Variants in MYO5B observed in about 807,000 individuals in gnomAD.
MYO5B encodes the protein unconventional myosin-Vb.
MYO5B carries 143 observed loss-of-function variants against 229.3 expected under a neutral mutation model. The ratio of observed to expected loss-of-function variants is 0.62; its 90% CI spans 0.54 to 0.72. MYO5B has a LOEUF of 0.72. Ranked by LOEUF, MYO5B falls within the 30% of genes least tolerant of loss-of-function variation. The pLI is 0.00. For synonymous variants in MYO5B, 918 were observed against 885.2 expected (o/e 1.04, Z -0.66); for missense variants, 2,321 against 2,331.0 (o/e 1.00, Z 0.09).
chr18:49,868,255 A>G (rs1406703197), intron 27 of MYO5B, among the ~76,000 whole-genome samples: 1 of 152,200 alleles, frequency 6.6e-6, no homozygotes, highest in Non-Finnish European at 1.5e-5. Context: ...TCTAAGATGA[A>G]CAGAATTACT....
intron 5 of MYO5B, among the ~76,000 whole-genome samples, chr18:49,997,123 T>C (rs1164602394): frequency 6.6e-6 from 1 of 151,778 alleles, no homozygotes; most frequent in African/African-American, 2.4e-5. Flanking sequence ...AAAAGGTAGC[T>C]GGTCATGGTG....
At position 49,937,266 on chromosome 18, in the gene MYO5B, G is replaced by C; in HGVS notation, c.1884C>G (p.His628Gln). ...RPPMKVSNKE[H>Q]KKTVGHQFRT... is the part of the protein sequence containing the mutation. ...TGACCTGGTGGCCAACGGTTTTCTTGTGCTCCTTGTTGGAGACTTTCATGG... is the reference window on the plus strand; with the variant it reads ...TGACCTGGTGGCCAACGGTTTTCTTCTGCTCCTTGTTGGAGACTTTCATGG... Residue 628 changes from histidine (H) to glutamine (Q), a missense_variant, in exon 15 of 40, where the codon CAC becomes CAG. By Grantham distance (24) the His-to-Gln change is conservative. This residue lies in a region of MYO5B where 2,113 missense variants were observed against 2,044.7 expected (regional missense o/e 1.03). Coordinates refer to ENST00000285039, the MANE Select transcript of MYO5B (RefSeq NM_001080467.3). 6.2e-7 allele frequency: 1 copy of C among 1,614,088 alleles called. No homozygotes were observed. The highest frequency in any genetic ancestry group is 1.3e-5 in the African/African-American group (1 of 75,024).
Position 49,835,324 on chromosome 18 carries a change from A to G in MYO5B, c.5394+20T>C. On this transcript the variant is annotated intron_variant, in intron 39 of 39. Transcript: ENST00000285039. Reference sequence around the variant, plus strand: ...ATAGTCGTAGACTGGACTTTATAAAATTACTATCTTAAAACTCACCTGGAT... The same window carrying G: ...ATAGTCGTAGACTGGACTTTATAAAGTTACTATCTTAAAACTCACCTGGAT... The G allele has an allele frequency of 5.1e-6, 8 of 1,576,460 alleles. No individual in the cohort carries two copies. Among genetic ancestry groups the G allele is most frequent in the Non-Finnish European group, 7.0e-6 (8 of 1,147,400 alleles).
intron 22 of MYO5B, among the ~76,000 whole-genome samples, chr18:49,891,828 C>T (rs2024718247): frequency 6.6e-6 from 1 of 152,246 alleles, no homozygotes; most frequent in Non-Finnish European, 1.5e-5. Flanking sequence ...CAACTAGTGG[C>T]TAGTGGTTCT....
intron 2 of MYO5B, among the ~76,000 whole-genome samples, chr18:50,052,232 G>T (rs998188679): frequency 1.3e-5 from 2 of 152,104 alleles, no homozygotes; most frequent in African/African-American, 4.8e-5. Context: ...TATAAATCAT[G>T]CTGCTATAAA....
chr18:50,049,129 A>G (rs1261307679), intron 2 of MYO5B, among the ~76,000 whole-genome samples: 1 of 152,174 alleles, frequency 6.6e-6, no homozygotes, highest in South Asian at 2.1e-4. Context: ...CTGTTTTAGA[A>G]AGACTTCTAC....
At chr18:49,882,926 T>C (rs969991109) in intron 22 of MYO5B, among the ~76,000 whole-genome samples, 13 of 152,174 alleles carry the variant, frequency 8.5e-5, no homozygotes, top group African/African-American at 3.1e-4. Flanking sequence ...ACCAAAGAAA[T>C]CACTAAAAAC....
chr18:50,130,446 G>C (rs1048950935), intron 1 of MYO5B, among the ~76,000 whole-genome samples: 2 of 152,180 alleles, frequency 1.3e-5, no homozygotes, highest in Non-Finnish European at 2.9e-5. Flanking sequence ...AACCTTGGTA[G>C]CTTCTGGAGG....
chr18:49,975,781 C>G (rs1403888846), intron 9 of MYO5B, among the ~76,000 whole-genome samples: 1 of 152,138 alleles, frequency 6.6e-6, no homozygotes, highest in Admixed American at 6.5e-5. Flanking sequence ...AACCAGGCCC[C>G]CGCCCCACCC....
chr18:49,964,513 G>A (rs1220276691), intron 10 of MYO5B, among the ~76,000 whole-genome samples: 3 of 152,172 alleles, frequency 2.0e-5, no homozygotes, highest in Non-Finnish European at 1.5e-5. Context: ...AGCCTCCAGT[G>A]TTCTCCCCAT....
chr18:49,936,716 C>T (rs988191223), intron 15 of MYO5B, among the ~76,000 whole-genome samples: 1 of 152,194 alleles, frequency 6.6e-6, no homozygotes, highest in Non-Finnish European at 1.5e-5. Context: ...GGGACCCTGA[C>T]ATCCGATGCC....
At position 50,150,801 on chromosome 18, in the gene MYO5B, T is replaced by G. The variant is rs560382545; in HGVS notation, c.27+43966A>C. Among the ~76,000 whole-genome samples the G allele has an allele frequency of 6.6e-5, 10 of 152,004 alleles. No individual in the cohort carries two copies. In the South Asian group the frequency reaches 1.9e-3, roughly 28 times the overall value. ...ATACATATGTAACTAACCTGCACAT[T>G]GTGCACATGTACCCTAAAACTTAAA... On this transcript the variant is annotated intron_variant, in intron 1 of 39. Transcript: ENST00000285039.
chr18:49,835,193 T>C, intron 39 of MYO5B, 151 bp downstream of exon 39: 1 of 650,832 alleles, frequency 1.5e-6, no homozygotes, highest in African/African-American at 1.8e-5. Context: ...GGTTCATGTT[T>C]ACCTAAGTAG....
In MYO5B at chr18:49,929,486, A is replaced by G. The variant is rs10853588; in HGVS notation, c.2090+26T>C. 97,934 of 1,581,006 alleles carry G rather than the reference A, an allele frequency of 0.062. 8,102 individuals carry two copies. Among genetic ancestry groups the G allele is most frequent in the East Asian group, 0.36 (15,939 of 44,326 alleles). ...CTGGCTGCTCTAGGGCAGCCCCAGGAGGCAGCTGGCGGGCACGTTAGTTAC... is the reference window on the plus strand; with the variant it reads ...CTGGCTGCTCTAGGGCAGCCCCAGGGGGCAGCTGGCGGGCACGTTAGTTAC... On this transcript the variant is annotated intron_variant, in intron 17 of 39. Coordinates refer to ENST00000285039, the MANE Select transcript of MYO5B (RefSeq NM_001080467.3).
chr18:50,058,143 A>T (rs2030597768), intron 1 of MYO5B, among the ~76,000 whole-genome samples: 1 of 152,216 alleles, frequency 6.6e-6, no homozygotes, highest in African/African-American at 2.4e-5. Context: ...TCATTGATGT[A>T]TTATCTATTT....
chr18:49,952,827 T>C (rs765928814), intron 14 of MYO5B, among the ~76,000 whole-genome samples: 38 of 151,906 alleles, frequency 2.5e-4, no homozygotes, highest in Non-Finnish European at 4.3e-4. Context: ...GCTGAACAAA[T>C]TAAATGCAGA....
chr18:50,097,277 T>G, intron 1 of MYO5B: 1 of 456,682 alleles, frequency 2.2e-6, no homozygotes, highest in Non-Finnish European at 4.4e-6. Flanking sequence ...TGCTGGCTTG[T>G]GCTAGTGTGG....
chr18:50,145,749 C>T (rs980022198), intron 1 of MYO5B, among the ~76,000 whole-genome samples: 4 of 152,084 alleles, frequency 2.6e-5, no homozygotes, highest in Non-Finnish European at 4.4e-5. Flanking sequence ...CACTGGCTGT[C>T]CCAGAAAAGA....
chr18:50,016,966 CT>C (rs1254406710), intron 4 of MYO5B, among the ~76,000 whole-genome samples: 1 of 151,750 alleles, frequency 6.6e-6, no homozygotes, highest in Non-Finnish European at 1.5e-5. Context: ...ATCTCTACCC[CT>C]ATCTTAAATC....
Sources: allele counts gnomAD v4.1 joint callset (sites outside exome capture counted in the v4.1 genomes callset), GRCh38; gene constraint gnomAD v4.1.1; regional missense constraint gnomAD v4.1.1; transcripts MANE v1.5; gene names NCBI Gene and HGNC (gene_info 2026-07-23, HGNC 2026-07-21).